ZNF200: variants seen among roughly 807,000 people sequenced by gnomAD.
ZNF200 encodes zinc finger protein 200.
ZNF200 carries 35 observed loss-of-function variants against 33.6 expected under a neutral mutation model. The observed-to-expected ratio is 1.04, with a 90% CI of 0.80 to 1.38. ZNF200 has a LOEUF of 1.38. ZNF200 is among the 40% of genes most tolerant of loss of function. The pLI is 0.00. For synonymous variants in ZNF200, 209 were observed against 167.7 expected (o/e 1.25, Z -1.90); for missense variants, 592 against 470.6 (o/e 1.26, Z -2.39).
intron 4 of ZNF200, 30 bp downstream of exon 4, chr16:3,232,391 C>A: frequency 6.2e-7 from 1 of 1,608,528 alleles, no homozygotes; most frequent in Non-Finnish European, 8.5e-7. Context: ...AAGCAAACAA[C>A]CTGAACACAC....
intron 2 of ZNF200, 146 bp downstream of exon 2, chr16:3,233,360 A>G: frequency 8.6e-7 from 1 of 1,162,176 alleles, no homozygotes; most frequent in Non-Finnish European, 1.2e-6. Flanking sequence ...CCAGCACTTG[A>G]GAAGAACTTC....
chr16:3,228,779 C>T (rs569714775), intron 4 of ZNF200, among the ~76,000 whole-genome samples: 4 of 152,168 alleles, frequency 2.6e-5, no homozygotes, highest in East Asian at 3.9e-4. Context: ...GGATTACAGC[C>T]GTGAACCACT....
Position 3,224,222 on chromosome 16 carries a change from C to A in ZNF200, c.858G>T (p.Gly286=). The A allele has an allele frequency of 6.2e-7, 1 of 1,614,140 alleles. No homozygotes were observed. Among genetic ancestry groups the A allele is most frequent in the Non-Finnish European group, 8.5e-7 (1 of 1,180,036 alleles). Residue 286 remains glycine (G), a synonymous_variant, in exon 5 of 5, where the codon GGG becomes GGT. Coordinates refer to ENST00000414144, the MANE Select transcript of ZNF200 (RefSeq NM_198088.3). Reference sequence around the variant, plus strand: ...GGTTTGTTTTATGATTGAAGCTTTTCCCACAGTGATTACAGTCATAGGGTT... The same window carrying A: ...GGTTTGTTTTATGATTGAAGCTTTTACCACAGTGATTACAGTCATAGGGTT... ...GEKPYDCNHC[G]KSFNHKTNLN... is the part of the protein sequence containing the mutation.
Position 3,222,910 on chromosome 16 carries a change from G to C in ZNF200, c.*982C>G, listed in dbSNP as rs764653703. ...ATACAACACTTTGCCTTGTGAGGTA[G>C]TGACCACCCCATTGCCAAAGGTCTG... On this transcript the variant is annotated 3_prime_UTR_variant, in exon 5 of 5. Transcript: ENST00000414144. 6.6e-6 allele frequency: 1 copy of C among 152,172 alleles called. No homozygotes were observed. Among genetic ancestry groups the C allele is most frequent in the East Asian group, 1.9e-4 (1 of 5,200 alleles). The allele number at this position is 152,172 out of a possible 1,614,324, so 9.4% of individuals were successfully genotyped here. A position where few individuals can be genotyped will look rare whatever the true frequency, so the allele number is the denominator to read the frequency against.
At position 3,222,906 on chromosome 16, in the gene ZNF200, G is replaced by C. The variant is rs1464077723; in HGVS notation, c.*986C>G. 6.6e-6 allele frequency: 1 copy of C among 152,166 alleles called. No individual in the cohort carries two copies. Among genetic ancestry groups the C allele is most frequent in the East Asian group, 1.9e-4 (1 of 5,196 alleles). The allele number at this position is 152,166 out of a possible 1,614,324, so 9.4% of individuals were successfully genotyped here. A position where few individuals can be genotyped will look rare whatever the true frequency, so the allele number is the denominator to read the frequency against. On this transcript the variant is annotated 3_prime_UTR_variant, in exon 5 of 5. Coordinates refer to ENST00000414144, the MANE Select transcript of ZNF200 (RefSeq NM_198088.3). ...AATCATACAACACTTTGCCTTGTGA[G>C]GTAGTGACCACCCCATTGCCAAAGG...
In ZNF200 at chr16:3,223,721, G is replaced by C. The variant is rs569725344; in HGVS notation, c.*171C>G. On this transcript the variant is annotated 3_prime_UTR_variant, in exon 5 of 5. Transcript: ENST00000414144. ...TAGCCCTTGAAATGTTTTCTTCCCT[G>C]TGAATTTTCTAGCAATTTGAGGTTT... is the stretch of plus-strand genomic sequence containing the variant. 7.5e-5 allele frequency: 78 copies of C among 1,033,178 alleles called. No individual in the cohort carries two copies. The African/African-American group carries it at 1.2e-3, about 15-fold the overall frequency. The allele number at this position is 1,033,178 out of a possible 1,614,324, so 64.0% of individuals were successfully genotyped here. A position where few individuals can be genotyped will look rare whatever the true frequency, so the allele number is the denominator to read the frequency against.
Position 3,233,655 on chromosome 16 carries a change from T to A in ZNF200, c.101A>T (p.Asp34Val). Residue 34 changes from aspartate to valine, a missense_variant, in exon 2 of 5, where the codon GAT (aspartate) becomes GTT (valine). Physicochemically the swap from Asp to Val is radical, Grantham distance 152 (BLOSUM62 -3). Coordinates refer to ENST00000414144, the MANE Select transcript of ZNF200 (RefSeq NM_198088.3). The part of the protein sequence containing the change: ...DSKLGQDLLR[D>V]ATNGPKTIHQ... The stretch of plus-strand genomic sequence containing the variant: ...GATGGTCTTGGGCCCGTTAGTGGCA[T>A]CTCGAAGTAGGTCTTGGCCCAGCTT... The A allele has an allele frequency of 6.2e-7, 1 of 1,613,932 alleles. No homozygotes were observed. The highest frequency in any genetic ancestry group is 8.5e-7 in the Non-Finnish European group (1 of 1,179,980).
At chr16:3,229,796 G>A (rs1958587649) in intron 4 of ZNF200, among the ~76,000 whole-genome samples, 1 of 152,094 alleles carries the variant, frequency 6.6e-6, no homozygotes, top group African/African-American at 2.4e-5. Context: ...ACCGCAGGGG[G>A]CGGAGACTGC....
In ZNF200 at chr16:3,223,983, C is replaced by A; in HGVS notation, c.1097G>T (p.Cys366Phe). The change falls in exon 5 of 5, where the codon TGC becomes TTC. Residue 366 changes from cysteine to phenylalanine, a missense_variant. Coordinates refer to ENST00000414144, the MANE Select transcript of ZNF200 (RefSeq NM_198088.3). ...ACCAAATCTTCTCCCACATTTTTTG[C>A]AACCATATGGTCTCTCAGCCTCATG... Reference protein sequence around the residue: ...QSHEAERPYGCKKCGRRFGRL... With the variant: ...QSHEAERPYGFKKCGRRFGRL... 1 of 1,614,050 alleles carries A rather than the reference C, an allele frequency of 6.2e-7. No individual in the cohort carries two copies. The highest frequency in any genetic ancestry group is 8.5e-7 in the Non-Finnish European group (1 of 1,180,002).
rs768347291 is a variant in ZNF200 at position 3,233,483 on chromosome 16, T to A, written c.250+23A>T. On this transcript the variant is annotated intron_variant, in intron 2 of 4. Transcript: ENST00000414144. ...CCAGTACCTCCTCCTCCTCTTCTAG[T>A]GAAACAAGCATGTGCTTCTCACCTC... 4 of 1,503,138 alleles carry A rather than the reference T, an allele frequency of 2.7e-6. No homozygotes were observed. The East Asian group carries it at 9.5e-5, about 36-fold the overall frequency. 93.1% of individuals were successfully genotyped at this position (1,503,138 alleles called of 1,614,324 possible).
chr16:3,232,839 G>C lies in ZNF200; in HGVS notation c.333C>G (p.Asn111Lys). Residue 111 changes from asparagine (N) to lysine (K), a missense_variant, in exon 3 of 5, where the codon AAC becomes AAG. By Grantham distance (94) the Asn-to-Lys change is moderately conservative. Transcript: ENST00000414144. ...QETVSLYLKA[N>K]PEELVVFEDL... Reference sequence around the variant, plus strand: ...ATGGGAAAACCAAACCCACCTCAGGGTTAGCTTTCAAATACAGAGACACTG... The same window carrying C: ...ATGGGAAAACCAAACCCACCTCAGGCTTAGCTTTCAAATACAGAGACACTG... 1 of 1,613,812 alleles carries C rather than the reference G, an allele frequency of 6.2e-7. No individual in the cohort carries two copies. The highest frequency in any genetic ancestry group is 8.5e-7 in the Non-Finnish European group (1 of 1,179,802).
At position 3,233,662 on chromosome 16, in the gene ZNF200, G is replaced by A; in HGVS notation, c.94C>T (p.Leu32Phe). Reference sequence around the variant, plus strand: ...TTGGGCCCGTTAGTGGCATCTCGAAGTAGGTCTTGGCCCAGCTTGGAGTCT... The same window carrying A: ...TTGGGCCCGTTAGTGGCATCTCGAAATAGGTCTTGGCCCAGCTTGGAGTCT... ...PPDSKLGQDL[L>F]RDATNGPKTI... Residue 32 changes from leucine to phenylalanine, a missense_variant, in exon 2 of 5, where the codon CTT becomes TTT. Coordinates refer to ENST00000414144, the MANE Select transcript of ZNF200 (RefSeq NM_198088.3). The A allele has an allele frequency of 6.2e-7, 1 of 1,613,944 alleles. No individual in the cohort carries two copies. The highest frequency in any genetic ancestry group is 8.5e-7 in the Non-Finnish European group (1 of 1,179,986).
chr16:3,228,215 G>A (rs564982503), intron 4 of ZNF200, among the ~76,000 whole-genome samples: 2 of 152,198 alleles, frequency 1.3e-5, no homozygotes, highest in Non-Finnish European at 2.9e-5. Context: ...ATATGTGAAA[G>A]CCAATGATTT....
Position 3,228,616 on chromosome 16 carries a change from T to A in ZNF200, c.466+3805A>T, listed in dbSNP as rs141127694. Among the ~76,000 whole-genome samples the A allele has an allele frequency of 3.2e-3, 487 of 152,216 alleles. 2 individuals are homozygous for A. Among genetic ancestry groups the A allele is most frequent in the African/African-American group, 0.011 (452 of 41,536 alleles). On this transcript the variant is annotated intron_variant, in intron 4 of 4. Coordinates refer to ENST00000414144, the MANE Select transcript of ZNF200 (RefSeq NM_198088.3). ...TTCAAGTGATTCTCCTACCTCAGCC[T>A]CCAGAGTAACTGGGATTACAAGCAC...
intron 4 of ZNF200, chr16:3,225,707 T>C (rs1958449558): frequency 6.6e-6 from 1 of 152,134 alleles, no homozygotes; most frequent in Non-Finnish European, 1.5e-5. Flanking sequence ...AAAGTCAGTG[T>C]AAGCAGATTA....
At chr16:3,232,682 A>G in intron 3 of ZNF200, 135 bp from the exon 4 acceptor site, 1 of 1,450,574 alleles carries the variant, frequency 6.9e-7, no homozygotes, top group South Asian at 1.3e-5. Flanking sequence ...AGGTGCAGCA[A>G]AGACAGGACA....
At chr16:3,232,371 G>C in intron 4 of ZNF200, 50 bp downstream of exon 4, 1 of 1,595,234 alleles carries the variant, frequency 6.3e-7, no homozygotes, top group East Asian at 2.2e-5. Context: ...TGAAGGACAT[G>C]CTTTTCCCAA....
intron 4 of ZNF200, among the ~76,000 whole-genome samples, chr16:3,231,899 T>A (rs1958644945): frequency 6.6e-6 from 1 of 152,214 alleles, no homozygotes; most frequent in South Asian, 2.1e-4. Context: ...CACTCAGTAT[T>A]ACTCTGAGAA....
At chr16:3,234,661 GCCCTTTGGGCGGGGA>G (rs1958754508) in intron 1 of ZNF200, 1 of 152,270 alleles carries the variant, frequency 6.6e-6, no homozygotes, top group Non-Finnish European at 1.5e-5. Flanking sequence ...TCCCTCCGGT[GCCCTTTGGGCGGGGA>G]GGCGGTTGGT....
Sources: gnomAD v4.1 joint callset for allele counts (sites outside exome capture counted in the v4.1 genomes callset) on GRCh38, gnomAD v4.1.1 for gene constraint, MANE v1.5 for transcripts, NCBI Gene and HGNC (gene_info 2026-07-23, HGNC 2026-07-21) for gene names.